Variants in DGAT2 observed in about 807,000 individuals in gnomAD.
The protein encoded by DGAT2 is diacylglycerol O-acyltransferase 2.
A neutral mutation model predicts 48.4 loss-of-function variants in DGAT2; 33 were observed. The ratio of observed to expected loss-of-function variants is 0.68; its 90% CI spans 0.52 to 0.91. The LOEUF (loss-of-function observed/expected upper bound fraction) is 0.91, where lower values mean the gene tolerates loss of function less well. Among genes scored for constraint, DGAT2 ranks in the 40% least tolerant of loss-of-function variants. The pLI, the probability that DGAT2 is intolerant of heterozygous loss-of-function variation, is 0.00. For synonymous variants in DGAT2, 191 were observed against 194.1 expected, an observed-to-expected ratio of 0.98 and a Z score of 0.13; for missense variants, 446 against 493.7, an observed-to-expected ratio of 0.90 and a Z score of 0.92.
chr11:75,785,280 G>A (rs1310409627), intron 2 of DGAT2, among the ~76,000 whole-genome samples: 1 of 152,158 alleles, frequency 6.6e-6, no homozygotes, highest in East Asian at 1.9e-4. Flanking sequence ...CTTTTTTGAG[G>A]ATTGAAGATA....
chr11:75,797,117 C>A, intron 5 of DGAT2, 41 bp from the exon 6 acceptor site: 2 of 1,439,520 alleles, frequency 1.4e-6, no homozygotes, highest in Non-Finnish European at 1.8e-6. Context: ...GGGAGTGGAT[C>A]CATGGGCAAC....
At chr11:75,797,077 T>G in intron 5 of DGAT2, 81 bp from the exon 6 acceptor site, 1 of 1,364,576 alleles carries the variant, frequency 7.3e-7, no homozygotes, top group Non-Finnish European at 9.7e-7. Context: ...GGGTTCTTTA[T>G]GTTTTATACC....
At chr11:75,790,798 C>T in intron 4 of DGAT2, 67 bp downstream of exon 4, 1 of 1,554,582 alleles carries the variant, frequency 6.4e-7, no homozygotes, top group Admixed American at 1.7e-5. Context: ...CAGGCCTTAA[C>T]CCACCCACAG....
chr11:75,799,434 G>A (rs1005193481), intron 7 of DGAT2, among the ~76,000 whole-genome samples: 2 of 152,164 alleles, frequency 1.3e-5, no homozygotes, highest in African/African-American at 4.8e-5. Context: ...TTGGACCAAG[G>A]GAGTAGCAGT....
chr11:75,800,275 C>T (rs1358074804), intron 7 of DGAT2, 79 bp from the exon 8 acceptor site: 14 of 1,524,160 alleles, frequency 9.2e-6, no homozygotes, highest in South Asian at 3.8e-5. Flanking sequence ...CACAGCCCAG[C>T]GTCACCACCT....
intron 1 of DGAT2, among the ~76,000 whole-genome samples, chr11:75,769,751 A>G (rs1177731351): frequency 1.3e-5 from 2 of 151,854 alleles, no homozygotes; most frequent in Non-Finnish European, 2.9e-5. Flanking sequence ...TCCCTTACCT[A>G]GAGCTGGAGA....
chr11:75,779,521 G>A, intron 1 of DGAT2, among the ~76,000 whole-genome samples: 1 of 152,194 alleles, frequency 6.6e-6, no homozygotes, highest in East Asian at 1.9e-4. Context: ...CCCAGAGAGT[G>A]CTGTGGGACG....
At chr11:75,775,542 G>C (rs548623559) in intron 1 of DGAT2, among the ~76,000 whole-genome samples, 1 of 152,266 alleles carries the variant, frequency 6.6e-6, no homozygotes, top group South Asian at 2.1e-4. Flanking sequence ...GCTGCCCTAG[G>C]GCTCTTAGGC....
At chr11:75,774,958 C>T (rs185197848) in intron 1 of DGAT2, among the ~76,000 whole-genome samples, 4 of 152,228 alleles carry the variant, frequency 2.6e-5, no homozygotes, top group African/African-American at 7.2e-5. Context: ...GATCCATGTT[C>T]GGTATCAGGA....
chr11:75,794,938 T>TC (rs796415937), intron 4 of DGAT2: 4 of 8,868 alleles, frequency 4.5e-4, no homozygotes, highest in Non-Finnish European at 1.2e-3. Flanking sequence ...TCCCCTCCCC[T>TC]CCCCCTCCTC....
At chr11:75,782,003 CT>C (rs1944870364) in intron 1 of DGAT2, among the ~76,000 whole-genome samples, 1 of 152,186 alleles carries the variant, frequency 6.6e-6, no homozygotes, top group African/African-American at 2.4e-5. Flanking sequence ...CTCCTCCAAG[CT>C]GCATGGGGGC....
chr11:75,800,226 C>G, intron 7 of DGAT2, 128 bp from the exon 8 acceptor site: 1 of 1,188,876 alleles, frequency 8.4e-7, no homozygotes, highest in African/African-American at 1.5e-5. Context: ...AGATGCAGCA[C>G]ATAAAGCATT....
chr11:75,786,835 A>ACC (rs551706654), intron 2 of DGAT2, among the ~76,000 whole-genome samples: 139 of 152,296 alleles, frequency 9.1e-4, no homozygotes, highest in African/African-American at 3.2e-3. Context: ...GTGCCATGGA[A>ACC]CCCTCTGTCA....
chr11:75,793,965 G>A (rs142997938), intron 4 of DGAT2: 3 of 152,362 alleles, frequency 2.0e-5, no homozygotes, highest in East Asian at 1.9e-4. Context: ...TCGCTGCCCC[G>A]AGCCCCACTA....
chr11:75,771,025 T>A (rs150727912), intron 1 of DGAT2, among the ~76,000 whole-genome samples: 100 of 152,296 alleles, frequency 6.6e-4, no homozygotes, highest in Non-Finnish European at 1.2e-3. Flanking sequence ...AGTTTGCCTC[T>A]GTGGGTAAGG....
At chr11:75,798,830 TAGA>T (rs1176295694) in intron 7 of DGAT2, among the ~76,000 whole-genome samples, 1 of 151,988 alleles carries the variant, frequency 6.6e-6, no homozygotes, top group Non-Finnish European at 1.5e-5. Context: ...TCTAGCAAAA[TAGA>T]GGAGGAAGAG....
At position 75,800,526 on chromosome 11, in the gene DGAT2, A is replaced by G. The variant is rs752890961; in HGVS notation, c.*18A>G. 1.9e-5 allele frequency: 30 copies of G among 1,612,536 alleles called. No homozygotes were observed. The Admixed American group carries it at 3.2e-4, about 17-fold the overall frequency. The stretch of plus-strand genomic sequence containing the variant: ...TGAACTGAGCCAGCCTTCGGGGCCA[A>G]TTCCCTGGAGGAACCAGCTGCAAAT... On this transcript the variant is annotated 3_prime_UTR_variant, in exon 8 of 8. Transcript: ENST00000228027.
chr11:75,796,660 C>A, intron 5 of DGAT2, 128 bp downstream of exon 5: 1 of 929,522 alleles, frequency 1.1e-6, no homozygotes, highest in Non-Finnish European at 1.6e-6. Flanking sequence ...GAGATGCAAC[C>A]TGCTTCAGAC....
chr11:75,786,260 A>T (rs1237984151), intron 2 of DGAT2, among the ~76,000 whole-genome samples: 1 of 152,218 alleles, frequency 6.6e-6, no homozygotes, highest in African/African-American at 2.4e-5. Flanking sequence ...TAGAGTAGTG[A>T]GCACAGTGTG....
Sources: gnomAD v4.1 joint callset for allele counts (sites outside exome capture counted in the v4.1 genomes callset) on GRCh38, gnomAD v4.1.1 for gene constraint, MANE v1.5 for transcripts, NCBI Gene and HGNC (gene_info 2026-07-23, HGNC 2026-07-21) for gene names.